The following BCKDHB variants were observed in gnomAD, a reference collection of about 807,000 sequenced individuals.
BCKDHB encodes the protein 2-oxoisovalerate dehydrogenase subunit beta, mitochondrial.
A neutral mutation model predicts 48.5 loss-of-function variants in BCKDHB; 41 were observed. The ratio of observed to expected loss-of-function variants is 0.85; its 90% confidence interval spans 0.66 to 1.10. BCKDHB has a LOEUF of 1.10. Among genes scored for constraint, BCKDHB ranks in the 50% least tolerant of loss-of-function variants. The pLI is 0.00. For synonymous variants in BCKDHB, 201 were observed against 174.8 expected (o/e 1.15, Z -1.18); for missense variants, 496 against 494.2 (o/e 1.00, Z -0.03).
intron 9 of BCKDHB, among the ~76,000 whole-genome samples, chr6:80,275,847 C>T (rs918842281): frequency 6.6e-6 from 1 of 151,838 alleles, no homozygotes; most frequent in Non-Finnish European, 1.5e-5. Context: ...ATCAAATTAC[C>T]AGTGCCTTGG....
chr6:80,206,934 G>T (rs771683725), intron 8 of BCKDHB, among the ~76,000 whole-genome samples: 1 of 151,878 alleles, frequency 6.6e-6, no homozygotes, highest in Non-Finnish European at 1.5e-5. Flanking sequence ...TATGCACAAT[G>T]GCATAACATC....
At chr6:80,197,934 T>TCCATCCATC (rs1774206123) in intron 6 of BCKDHB, among the ~76,000 whole-genome samples, 1 of 148,858 alleles carries the variant, frequency 6.7e-6, no homozygotes, top group East Asian at 2.0e-4. Flanking sequence ...ATCCATCTGT[T>TCCATCCATC]CATCCATCCA....
chr6:80,315,750 C>CT (rs1388262217), intron 9 of BCKDHB, among the ~76,000 whole-genome samples: 3 of 152,146 alleles, frequency 2.0e-5, no homozygotes, highest in Non-Finnish European at 4.4e-5. Context: ...TGCCAAAGTG[C>CT]TGGGACTACA....
At chr6:80,319,875 A>C (rs1379489426) in intron 9 of BCKDHB, among the ~76,000 whole-genome samples, 1 of 152,178 alleles carries the variant, frequency 6.6e-6, no homozygotes, top group Non-Finnish European at 1.5e-5. Flanking sequence ...ACATAAGATC[A>C]GTTCTTTTAG....
At chr6:80,242,765 G>T (rs564028188) in intron 8 of BCKDHB, among the ~76,000 whole-genome samples, 209 of 152,222 alleles carry the variant, frequency 1.4e-3, no homozygotes, top group African/African-American at 4.8e-3. Flanking sequence ...GTTAACCAGG[G>T]TGGGGACTAT....
chr6:80,422,934 A>G, the BCKDHB span, among the ~76,000 whole-genome samples: 1 of 152,092 alleles, frequency 6.6e-6, no homozygotes, highest in Non-Finnish European at 1.5e-5. Flanking sequence ...ACTTTGGGGG[A>G]CTGTTGGGAA....
the BCKDHB span, among the ~76,000 whole-genome samples, chr6:80,397,361 G>A: frequency 2.6e-5 from 4 of 151,928 alleles, no homozygotes; most frequent in South Asian, 4.2e-4. Flanking sequence ...TGCTACTCTT[G>A]TTTCCTTTGA....
the BCKDHB span, among the ~76,000 whole-genome samples, chr6:80,408,669 G>T: frequency 6.6e-6 from 1 of 151,874 alleles, no homozygotes. Flanking sequence ...ATTCTCTGAT[G>T]GTAGTTTGTG....
the BCKDHB span, among the ~76,000 whole-genome samples, chr6:80,360,903 G>T: frequency 2.7e-5 from 4 of 150,618 alleles, no homozygotes; most frequent in Non-Finnish European, 5.9e-5. Context: ...TACTCAGGAG[G>T]CTGAGGCAGG....
At chr6:80,152,422 G>GTT (rs1449334164) in intron 3 of BCKDHB, among the ~76,000 whole-genome samples, 2 of 152,074 alleles carry the variant, frequency 1.3e-5, no homozygotes, top group Non-Finnish European at 2.9e-5. Context: ...CCTGAAATGA[G>GTT]TTTTTGTGTT....
intron 1 of BCKDHB, among the ~76,000 whole-genome samples, chr6:80,107,891 A>G (rs1769210026): frequency 6.6e-6 from 1 of 152,154 alleles, no homozygotes; most frequent in Non-Finnish European, 1.5e-5. Context: ...TCAGAATATC[A>G]GGAAACTGTA....
rs1776081395 is a variant in BCKDHB at position 80,234,835 on chromosome 6, A to ATG, written c.951+31624_951+31625insGT. Among the ~76,000 whole-genome samples, 6 of 151,816 alleles carry ATG rather than the reference A, an allele frequency of 4.0e-5. No individual in the cohort carries two copies. In the South Asian group the frequency reaches 1.0e-3, roughly 27 times the overall value. ...AATGAATGAAGACAATGTTTTATAT[A>ATG]TATATATATTAGACTATTATTCAGC... On this transcript the variant is annotated intron_variant, in intron 8 of 9. Coordinates refer to ENST00000320393, the MANE Select transcript of BCKDHB (RefSeq NM_183050.4).
At chr6:80,284,978 C>T (rs753738899) in intron 9 of BCKDHB, among the ~76,000 whole-genome samples, 2 of 152,078 alleles carry the variant, frequency 1.3e-5, no homozygotes, top group African/African-American at 4.8e-5. Context: ...TTAAGTGTTG[C>T]ATTTTTCTTC....
intron 6 of BCKDHB, among the ~76,000 whole-genome samples, chr6:80,193,892 C>G (rs1442630976): frequency 1.3e-5 from 2 of 152,108 alleles, no homozygotes; most frequent in Non-Finnish European, 2.9e-5. Flanking sequence ...ATATTCATGT[C>G]TCTCAATATT....
intron 8 of BCKDHB, among the ~76,000 whole-genome samples, chr6:80,208,216 A>C (rs1397059649): frequency 6.6e-6 from 1 of 151,828 alleles, no homozygotes; most frequent in Non-Finnish European, 1.5e-5. Context: ...CAAATTAAGT[A>C]CCTTACTCTA....
At chr6:80,310,597 T>C (rs1416425934) in intron 9 of BCKDHB, among the ~76,000 whole-genome samples, 4 of 152,244 alleles carry the variant, frequency 2.6e-5, no homozygotes, top group African/African-American at 9.6e-5. Context: ...GAACCATTTA[T>C]ATTCCTTTGG....
chr6:80,116,593 A>G (rs757398985), intron 1 of BCKDHB, among the ~76,000 whole-genome samples: 1 of 152,176 alleles, frequency 6.6e-6, no homozygotes. Context: ...CTGCATATTC[A>G]TGATTCTTTA....
intron 1 of BCKDHB, 118 bp downstream of exon 1, chr6:80,107,007 C>T: frequency 7.7e-7 from 1 of 1,304,264 alleles, no homozygotes; most frequent in Non-Finnish European, 1.1e-6. Context: ...TATTAACTTC[C>T]TGACTCTCTG....
chr6:80,424,659 A>G, the BCKDHB span, among the ~76,000 whole-genome samples: 3 of 152,326 alleles, frequency 2.0e-5, no homozygotes, highest in Non-Finnish European at 2.9e-5. Context: ...TTAGTGATAC[A>G]TTGACACCTC....
Sources: allele counts gnomAD v4.1 joint callset (sites outside exome capture counted in the v4.1 genomes callset), GRCh38; gene constraint gnomAD v4.1.1; transcripts MANE v1.5; gene names NCBI Gene and HGNC (gene_info 2026-07-23, HGNC 2026-07-21).